The following DMD variants were observed in gnomAD, a reference collection of about 807,000 sequenced individuals.
DMD encodes the protein mutant dystrophin.
A neutral mutation model predicts 330.1 loss-of-function variants in DMD; 63 were observed. The observed-to-expected ratio is 0.19, with a 90% CI of 0.16 to 0.24. The LOEUF (loss-of-function observed/expected upper bound fraction) is 0.24, where lower values mean the gene tolerates loss of function less well. DMD is among the 10% of genes least tolerant of loss of function. DMD has a pLI of 1.00. For missense variants in DMD, 3,344 were observed against 2,684.1 expected (o/e 1.25, Z -5.43); for synonymous variants, 1,223 against 959.8 (o/e 1.27, Z -5.07).
chrX:31,578,539 C>T (rs758998428), intron 55 of DMD, among the ~76,000 whole-genome samples: 3 of 111,917 alleles, frequency 2.7e-5, no homozygotes, highest in African/African-American at 9.7e-5. Context: ...ATCAGGAAGG[C>T]TGGGATTTTT....
intron 1 of DMD, among the ~76,000 whole-genome samples, chrX:33,048,042 A>G (rs749823907): frequency 5.3e-5 from 6 of 112,668 alleles, no homozygotes; most frequent in African/African-American, 1.6e-4. Flanking sequence ...GCTAAGAATT[A>G]GAAATGCTTA....
intron 74 of DMD, among the ~76,000 whole-genome samples, chrX:31,150,049 AATAC>A (rs2037208662): frequency 8.9e-6 from 1 of 112,015 alleles, no homozygotes; most frequent in African/African-American, 3.2e-5. Flanking sequence ...GGAGTCTCTA[AATAC>A]ATAGTGTGCT....
intron 2 of DMD, among the ~76,000 whole-genome samples, chrX:32,881,172 C>A (rs931701013): frequency 8.9e-6 from 1 of 112,054 alleles, no homozygotes; most frequent in Non-Finnish European, 1.9e-5. Flanking sequence ...TATGAAAGAG[C>A]CTATTGGACA....
intron 60 of DMD, among the ~76,000 whole-genome samples, chrX:31,380,522 C>T (rs895465169): frequency 1.8e-5 from 2 of 111,342 alleles, no homozygotes; most frequent in African/African-American, 6.5e-5. Context: ...AAAAGGATTA[C>T]AGTCTGTTAT....
intron 55 of DMD, among the ~76,000 whole-genome samples, chrX:31,516,278 CAAAA>C (rs72056571): frequency 1.9e-5 from 1 of 51,865 alleles, no homozygotes; most frequent in Non-Finnish European, 3.7e-5. Flanking sequence ...AAAACAAGCG[CAAAA>C]AAAAAAAAAA....
intron 2 of DMD, among the ~76,000 whole-genome samples, chrX:32,862,202 A>G (rs1262559426): frequency 1.8e-5 from 2 of 112,300 alleles, no homozygotes; most frequent in African/African-American, 6.5e-5. Flanking sequence ...GCAGCTAGCA[A>G]GTGTTCAAGA....
chrX:32,470,949 A>C (rs888760393), intron 22 of DMD, among the ~76,000 whole-genome samples: 1 of 111,934 alleles, frequency 8.9e-6, no homozygotes, highest in Non-Finnish European at 1.9e-5. Context: ...CAGAAATAAA[A>C]AGTTATTGAA....
At chrX:31,666,833 A>T (rs1210929028) in intron 53 of DMD, among the ~76,000 whole-genome samples, 1 of 112,171 alleles carries the variant, frequency 8.9e-6, no homozygotes, top group Non-Finnish European at 1.9e-5. Flanking sequence ...TATGTTCCAC[A>T]GACATGGCTA....
intron 1 of DMD, among the ~76,000 whole-genome samples, chrX:33,025,444 T>A (rs1340442937): frequency 1.8e-5 from 2 of 108,685 alleles, no homozygotes; most frequent in Non-Finnish European, 3.8e-5. Flanking sequence ...AGATAAACAA[T>A]GTAAGTGAAA....
In DMD at chrX:32,365,004, T is replaced by C. The variant is rs757909242; in HGVS notation, c.5025+16A>G. On this transcript the variant is annotated intron_variant, in intron 35 of 78. Coordinates refer to ENST00000357033, the MANE Select transcript of DMD (RefSeq NM_004006.3). ...TGACAGAGAAGGGTGTAAAAGCTTCTAGCCTTTTCTCTTACCAACAAAAGA... is the reference window on the plus strand; with the variant it reads ...TGACAGAGAAGGGTGTAAAAGCTTCCAGCCTTTTCTCTTACCAACAAAAGA... 49 of 1,206,533 alleles carry C rather than the reference T, an allele frequency of 4.1e-5. No individual in the cohort carries two copies. The South Asian group carries it at 5.1e-4, about 13-fold the overall frequency.
chrX:31,983,985 C>A (rs1398175487), intron 44 of DMD, among the ~76,000 whole-genome samples: 3 of 111,383 alleles, frequency 2.7e-5, no homozygotes, highest in Admixed American at 9.6e-5. Flanking sequence ...TGGCTCTTTT[C>A]TGACTCAAAT....
intron 1 of DMD, among the ~76,000 whole-genome samples, chrX:33,187,309 C>T (rs1462967493): frequency 8.9e-6 from 1 of 112,322 alleles, no homozygotes. Flanking sequence ...CATTTCTTGC[C>T]ATTCAAGGGT....
At chrX:32,358,537 G>A (rs970805888) in intron 37 of DMD, among the ~76,000 whole-genome samples, 1 of 111,633 alleles carries the variant, frequency 9.0e-6, no homozygotes, top group Non-Finnish European at 1.9e-5. Context: ...GAAAAAACAC[G>A]CTTTTTTCAA....
chrX:32,276,787 G>A (rs1032487094), intron 43 of DMD, among the ~76,000 whole-genome samples: 1 of 110,711 alleles, frequency 9.0e-6, no homozygotes, highest in Non-Finnish European at 1.9e-5. Flanking sequence ...ACGCGTGATT[G>A]TGGGTGACTG....
intron 55 of DMD, among the ~76,000 whole-genome samples, chrX:31,549,693 C>T (rs1015191369): frequency 2.7e-5 from 3 of 112,472 alleles, no homozygotes; most frequent in Admixed American, 9.4e-5. Flanking sequence ...AGATATATTT[C>T]TCCTAAGTTA....
chrX:33,106,159 A>C (rs2095286252), intron 1 of DMD, among the ~76,000 whole-genome samples: 3 of 110,907 alleles, frequency 2.7e-5, no homozygotes, highest in Non-Finnish European at 1.9e-5. Flanking sequence ...GGAGGTTATT[A>C]TTCTAAGTGA....
At chrX:32,583,130 G>C (rs1212897423) in intron 13 of DMD, among the ~76,000 whole-genome samples, 8 of 111,941 alleles carry the variant, frequency 7.1e-5, no homozygotes, top group African/African-American at 2.3e-4. Flanking sequence ...CAATAGTCTT[G>C]ATCCATAATT....
rs754139699 is a variant in DMD at position 33,108,821 on chromosome X, G to A, written c.32-88621C>T. On this transcript the variant is annotated intron_variant, in intron 1 of 78. Transcript: ENST00000357033. Reference sequence around the variant, plus strand: ...GTGGAGGTTGCAGTGAGCCGAGATCGCGCCGTTGCACTCCAGCCTGGGCAA... The same window carrying A: ...GTGGAGGTTGCAGTGAGCCGAGATCACGCCGTTGCACTCCAGCCTGGGCAA... Among the ~76,000 whole-genome samples, 7 of 82,323 alleles carry A rather than the reference G, an allele frequency of 8.5e-5. No individual in the cohort carries two copies. The South Asian group carries it at 4.1e-3, about 48-fold the overall frequency. 71.5% of individuals were successfully genotyped at this position (82,323 alleles called of 115,157 possible).
intron 11 of DMD, among the ~76,000 whole-genome samples, chrX:32,624,267 A>AG (rs1043155794): frequency 9.0e-6 from 1 of 111,666 alleles, no homozygotes; most frequent in Non-Finnish European, 1.9e-5. Flanking sequence ...TAGAGAGCCG[A>AG]GGGAGTGGAA....
Sources: allele counts gnomAD v4.1 joint callset (sites outside exome capture counted in the v4.1 genomes callset), GRCh38; gene constraint gnomAD v4.1.1; transcripts MANE v1.5; gene names NCBI Gene and HGNC (gene_info 2026-07-23, HGNC 2026-07-21).